Variants in LSAMP observed in about 807,000 individuals in gnomAD.
LSAMP encodes the protein limbic system-associated membrane protein.
Under a neutral mutation model 38.6 loss-of-function variants are expected in LSAMP, and 7 were observed. The ratio of observed to expected loss-of-function variants is 0.18; its 90% CI spans 0.10 to 0.34. The LOEUF (loss-of-function observed/expected upper bound fraction) is 0.34. LSAMP is among the 10% of genes least tolerant of loss of function. The pLI is 1.00. For synonymous variants in LSAMP, 154 were observed against 166.8 expected (o/e 0.92, Z 0.59); for missense variants, 313 against 420.0 (o/e 0.75, Z 2.23).
intron 1 of LSAMP, among the ~76,000 whole-genome samples, chr3:116,284,810 T>C (rs546558422): frequency 6.6e-6 from 1 of 152,260 alleles, no homozygotes; most frequent in African/African-American, 2.4e-5. Context: ...CATCTGAAAT[T>C]CAACTACGTG....
At chr3:115,829,741 T>C (rs1386543679) in intron 6 of LSAMP, among the ~76,000 whole-genome samples, 2 of 152,234 alleles carry the variant, frequency 1.3e-5, no homozygotes, top group Non-Finnish European at 2.9e-5. Flanking sequence ...ATGATATTGG[T>C]AAGAAAATAA....
At chr3:116,297,182 T>C (rs565246568) in intron 1 of LSAMP, among the ~76,000 whole-genome samples, 17 of 152,014 alleles carry the variant, frequency 1.1e-4, no homozygotes, top group Non-Finnish European at 2.1e-4. Flanking sequence ...TGAAAACAGG[T>C]GAAAGAGAGA....
intron 1 of LSAMP, among the ~76,000 whole-genome samples, chr3:116,187,165 A>G (rs1413281459): frequency 6.6e-6 from 1 of 152,108 alleles, no homozygotes; most frequent in African/African-American, 2.4e-5. Flanking sequence ...CATATTGCAC[A>G]TGGTGCACAG....
chr3:116,227,985 G>T (rs1293397368), intron 1 of LSAMP, among the ~76,000 whole-genome samples: 2 of 152,098 alleles, frequency 1.3e-5, no homozygotes, highest in Admixed American at 1.3e-4. Flanking sequence ...CTTGTAAATA[G>T]TGACCACAGT....
At chr3:116,223,400 A>G (rs2046311093) in intron 1 of LSAMP, among the ~76,000 whole-genome samples, 1 of 152,214 alleles carries the variant, frequency 6.6e-6, no homozygotes, top group Admixed American at 6.5e-5. Context: ...TAGCTATAAT[A>G]ATCAAAAATT....
intron 6 of LSAMP, among the ~76,000 whole-genome samples, chr3:115,823,469 A>G (rs914293815): frequency 5.9e-5 from 9 of 152,254 alleles, no homozygotes; most frequent in African/African-American, 2.4e-5. Context: ...ACATTCAGAC[A>G]AAACATTTGT....
rs76916445 is a variant in LSAMP, at chr3:116,384,392, G to A, written c.155+60485C>T. On this transcript the variant is annotated intron_variant, in intron 1 of 6. Coordinates refer to ENST00000490035, the MANE Select transcript of LSAMP (RefSeq NM_002338.5). ...TAGGATCACCTAAAAATATTTCATA[G>A]ACACCCTATGATGCATGGCCTACAT... 2.9e-3 allele frequency among the ~76,000 whole-genome samples: 445 copies of A among 152,162 alleles called. 6 individuals carry two copies. Among genetic ancestry groups the A allele is most frequent in the African/African-American group, 0.01 (429 of 41,524 alleles).
intron 3 of LSAMP, among the ~76,000 whole-genome samples, chr3:115,931,963 C>A (rs569251112): frequency 2.0e-5 from 3 of 151,968 alleles, no homozygotes; most frequent in Non-Finnish European, 2.9e-5. Context: ...TTGAGCTGGG[C>A]GATGTGGGGG....
chr3:116,036,952 T>C (rs1340171916), intron 2 of LSAMP, among the ~76,000 whole-genome samples: 1 of 152,178 alleles, frequency 6.6e-6, no homozygotes, highest in Non-Finnish European at 1.5e-5. Context: ...TTTGGCTTTC[T>C]CTCTGTCTTG....
intron 1 of LSAMP, among the ~76,000 whole-genome samples, chr3:116,264,260 T>C (rs1350906592): frequency 6.6e-6 from 1 of 152,174 alleles, no homozygotes; most frequent in Non-Finnish European, 1.5e-5. Context: ...ATAAAAAAGC[T>C]CTCCCTCTGT....
At chr3:115,816,313 G>C (rs1197356859) in intron 6 of LSAMP, among the ~76,000 whole-genome samples, 1 of 152,166 alleles carries the variant, frequency 6.6e-6, no homozygotes, top group Admixed American at 6.6e-5. Context: ...AGCTCTGTCA[G>C]AATGAACCAT....
intron 2 of LSAMP, among the ~76,000 whole-genome samples, chr3:116,064,385 G>A (rs73139188): frequency 0.2 from 30,582 of 151,704 alleles, 3,333 homozygotes; most frequent in Admixed American, 0.26. Context: ...CATAGTGGTG[G>A]ATGCCTGTAA....
chr3:115,939,706 T>C (rs1937843280), intron 3 of LSAMP, among the ~76,000 whole-genome samples: 1 of 152,010 alleles, frequency 6.6e-6, no homozygotes, highest in African/African-American at 2.4e-5. Context: ...AGGCACACAC[T>C]ATTATACTTG....
intron 1 of LSAMP, among the ~76,000 whole-genome samples, chr3:116,411,581 A>T (rs2048977922): frequency 1.5e-5 from 2 of 136,650 alleles, no homozygotes; most frequent in Non-Finnish European, 3.1e-5. Context: ...AACAATGAGA[A>T]CACACAGACA....
chr3:116,195,754 TA>T (rs1710869258), intron 1 of LSAMP, among the ~76,000 whole-genome samples: 3 of 151,636 alleles, frequency 2.0e-5, no homozygotes, highest in Non-Finnish European at 2.9e-5. Flanking sequence ...AGTCTCTTCA[TA>T]AAGCAGTGTT....
intron 1 of LSAMP, among the ~76,000 whole-genome samples, chr3:116,287,066 A>T (rs2047204549): frequency 6.6e-6 from 1 of 152,106 alleles, no homozygotes; most frequent in Admixed American, 6.6e-5. Flanking sequence ...ATATAGCAAG[A>T]ATTGGATGAA....
rs569001514 is a variant in LSAMP, at chr3:116,394,086, A to G, written c.155+50791T>C. ...AGGCACCTGTTTTTGTTTCCTTTCTATATCTCTCTTTTTATTGTGGAAAGC... is the reference window on the plus strand; with the variant it reads ...AGGCACCTGTTTTTGTTTCCTTTCTGTATCTCTCTTTTTATTGTGGAAAGC... On this transcript the variant is annotated intron_variant, in intron 1 of 6. Transcript: ENST00000490035. Among the ~76,000 whole-genome samples, 12 of 152,052 alleles carry G rather than the reference A, an allele frequency of 7.9e-5. 1 individual carries two copies. The South Asian group carries it at 2.5e-3, about 32-fold the overall frequency.
intron 1 of LSAMP, among the ~76,000 whole-genome samples, chr3:116,309,648 C>G (rs887352678): frequency 6.6e-6 from 1 of 152,036 alleles, no homozygotes; most frequent in Non-Finnish European, 1.5e-5. Context: ...GAACAAGAGT[C>G]TATTACTTCA....
At chr3:115,880,904 A>G (rs1033583100) in intron 3 of LSAMP, among the ~76,000 whole-genome samples, 4 of 151,676 alleles carry the variant, frequency 2.6e-5, no homozygotes, top group African/African-American at 9.7e-5. Flanking sequence ...CAGGTGTGGT[A>G]GCGGGCACCT....
Sources: gnomAD v4.1 joint callset for allele counts (sites outside exome capture counted in the v4.1 genomes callset) on GRCh38, gnomAD v4.1.1 for gene constraint, MANE v1.5 for transcripts, NCBI Gene and HGNC (gene_info 2026-07-23, HGNC 2026-07-21) for gene names.